Variants in RBM4 observed in about 807,000 individuals in gnomAD.
RBM4 encodes RNA binding motif protein 4, also known as RNA-binding protein 4.
Under a neutral mutation model 29.5 loss-of-function variants are expected in RBM4, and 7 were observed. The observed-to-expected ratio is 0.24, with a 90% CI of 0.14 to 0.45. The LOEUF (loss-of-function observed/expected upper bound fraction) is 0.45, where lower values mean the gene tolerates loss of function less well. Among genes scored for constraint, RBM4 ranks in the 20% least tolerant of loss-of-function variants. RBM4 has a pLI of 1.00. For missense variants in RBM4, 387 were observed against 502.3 expected (o/e 0.77, Z 2.19); for synonymous variants, 220 against 205.4 (o/e 1.07, Z -0.61).
Position 66,643,741 on chromosome 11 carries a change from C to T in RBM4, c.704C>T (p.Ala235Val). Reference protein sequence around the residue: ...CRAARSYEAVAAAAASVYNYA... With the variant: ...CRAARSYEAVVAAAASVYNYA... ...GCTGCCCGGTCCTATGAGGCAGTGG[C>T]AGCTGCAGCTGCCTCCGTGTATAAT... Residue 235 changes from alanine to valine, a missense_variant, in exon 3 of 4, where the codon GCA becomes GTA. Around this residue, in one of 2 missense-constraint regions of RBM4, gnomAD observed 281 missense variants for 288.7 expected, o/e 0.97. Coordinates refer to ENST00000310092, the MANE Select transcript of RBM4 (RefSeq NM_002896.4). This position sits in a 1 kb window ranked among gnomAD's most constrained non-coding sequence, Gnocchi z 6.1. 4 of 1,614,088 alleles carry T rather than the reference C, an allele frequency of 2.5e-6. No individual in the cohort carries two copies. The highest frequency in any genetic ancestry group is 3.4e-6 in the Non-Finnish European group (4 of 1,180,014).
At chr11:66,662,215 C>A (rs1427147530) in intron 2 of RBM4, among the ~76,000 whole-genome samples, 3 of 152,016 alleles carry the variant, frequency 2.0e-5, no homozygotes, top group Non-Finnish European at 4.4e-5. Context: ...AAATAAAAAA[C>A]TCAGTTTCTC....
Position 66,643,299 on chromosome 11 carries a change from T to G in RBM4, c.413-151T>G. ...CATTATACTGAATCTATATGTTGAG[T>G]CTTTTTTTTTTTTCCTTTTTATCTT... On this transcript the variant is annotated intron_variant, in intron 2 of 3. Coordinates refer to ENST00000310092, the MANE Select transcript of RBM4 (RefSeq NM_002896.4). The surrounding 1 kb of genome is among the most constrained non-coding windows in gnomAD (Gnocchi z 6.1). 2.0e-6 allele frequency: 2 copies of G among 1,015,972 alleles called. No individual in the cohort carries two copies. 62.9% of individuals were successfully genotyped at this position (1,015,972 alleles called of 1,614,324 possible).
intron 2 of RBM4, among the ~76,000 whole-genome samples, chr11:66,660,716 C>A (rs964681749): frequency 4.0e-5 from 6 of 150,374 alleles, no homozygotes; most frequent in African/African-American, 1.5e-4. Context: ...TGCAGTGGTG[C>A]GATCTCAGCT....
intron 2 of RBM4, among the ~76,000 whole-genome samples, chr11:66,661,659 A>G (rs911524764): frequency 1.3e-5 from 2 of 152,230 alleles, no homozygotes; most frequent in Non-Finnish European, 2.9e-5. Flanking sequence ...GAAATGGTCT[A>G]TAGTGAGAAA....
At chr11:66,654,249 T>C (rs918611732) in intron 2 of RBM4, among the ~76,000 whole-genome samples, 3 of 151,708 alleles carry the variant, frequency 2.0e-5, no homozygotes, top group African/African-American at 7.3e-5. Context: ...CCCAGCACTT[T>C]GGGAGGCTGA....
chr11:66,640,141 G>T lies in RBM4; in HGVS notation c.412+18G>T, dbSNP rs1305113707. On this transcript the variant is annotated intron_variant, in intron 2 of 3. Coordinates refer to ENST00000310092, the MANE Select transcript of RBM4 (RefSeq NM_002896.4). ...GTTTCAAGGTGAACCACCCTCTTTG[G>T]GTAGAGGGCTGAACACAAGGCTGTG... is the stretch of plus-strand genomic sequence containing the variant. The T allele has an allele frequency of 6.2e-7, 1 of 1,614,002 alleles. No individual in the cohort carries two copies. Among genetic ancestry groups the T allele is most frequent in the East Asian group, 2.2e-5 (1 of 44,886 alleles).
At chr11:66,654,969 C>A (rs1348828362) in intron 2 of RBM4, among the ~76,000 whole-genome samples, 1 of 151,902 alleles carries the variant, frequency 6.6e-6, no homozygotes, top group African/African-American at 2.4e-5. Flanking sequence ...GGATTACAGG[C>A]GCATACCACC....
chr11:66,641,788 C>T (rs1296585614), intron 2 of RBM4, among the ~76,000 whole-genome samples: 1 of 152,132 alleles, frequency 6.6e-6, no homozygotes, highest in African/African-American at 2.4e-5. Context: ...TATTGATGAG[C>T]AGTAGTTATT....
downstream of RBM4, among the ~76,000 whole-genome samples, chr11:66,650,179 C>T (rs1240105011): frequency 2.0e-5 from 3 of 152,128 alleles, no homozygotes; most frequent in Non-Finnish European, 4.4e-5. Context: ...ATGACATGTG[C>T]CTCGGCCTGA....
chr11:66,653,636 A>G (rs1938880205), intron 2 of RBM4, among the ~76,000 whole-genome samples: 1 of 152,158 alleles, frequency 6.6e-6, no homozygotes, highest in Admixed American at 6.5e-5. Flanking sequence ...TGTTGGGATT[A>G]CAGGTGTGAC....
intron 2 of RBM4, chr11:66,665,481 A>T: frequency 1.1e-6 from 1 of 905,974 alleles, no homozygotes; most frequent in East Asian, 2.6e-5. Flanking sequence ...TTGTTTACTG[A>T]AACATGAAGC....
At chr11:66,640,226 G>A (rs768766749) in intron 2 of RBM4, 103 bp downstream of exon 2, 2 of 1,469,644 alleles carry the variant, frequency 1.4e-6, no homozygotes, top group South Asian at 1.2e-5. Context: ...GCTGTTGGCT[G>A]GCTGGTGATG....
intron 2 of RBM4, among the ~76,000 whole-genome samples, chr11:66,653,395 T>C (rs978968956): frequency 6.1e-5 from 9 of 147,554 alleles, no homozygotes; most frequent in African/African-American, 2.0e-4. Context: ...GGAGTCTTGC[T>C]TTGTCACCCA....
chr11:66,644,645 TA>T, intron 3 of RBM4: 1 of 977,094 alleles, frequency 1.0e-6, no homozygotes, highest in Non-Finnish European at 1.2e-6. Flanking sequence ...TCCCAGTTAC[TA>T]AGAAGACTAC....
At chr11:66,648,782 A>G (rs1938762946), downstream of RBM4, among the ~76,000 whole-genome samples, 1 of 151,728 alleles carries the variant, frequency 6.6e-6, no homozygotes, top group Admixed American at 6.6e-5. Flanking sequence ...CATTGCACTC[A>G]AGCCTGGGGG....
At chr11:66,639,505 A>G in intron 1 of RBM4, 195 bp from the exon 2 acceptor site, 1 of 697,122 alleles carries the variant, frequency 1.4e-6, no homozygotes, top group Non-Finnish European at 2.3e-6. Flanking sequence ...ACGTCTTCTT[A>G]TTCTTACAGG....
At position 66,653,957 on chromosome 11, in the gene RBM4, C is replaced by T. The variant is rs555532573; in HGVS notation, c.413-11899C>T. Reference sequence around the variant, plus strand: ...CTGTAGTCTCAGGTACTTGGAAGGCCGAGGTGCAAGGATCGCTTGAGCAGC... The same window carrying T: ...CTGTAGTCTCAGGTACTTGGAAGGCTGAGGTGCAAGGATCGCTTGAGCAGC... On this transcript the variant is annotated intron_variant, in intron 2 of 2. Coordinates refer to the RBM4 transcript ENST00000396053. 2.7e-4 allele frequency among the ~76,000 whole-genome samples: 41 copies of T among 151,990 alleles called. 1 individual carries two copies. In the South Asian group the frequency reaches 8.3e-3, roughly 31 times the overall value.
intron 2 of RBM4, among the ~76,000 whole-genome samples, chr11:66,652,682 A>G (rs1471470423): frequency 6.6e-6 from 1 of 152,170 alleles, no homozygotes; most frequent in Non-Finnish European, 1.5e-5. Context: ...GTGTTACTTT[A>G]TGGCAGGTAA....
intron 2 of RBM4, chr11:66,665,416 G>A (rs1324870902): frequency 3.0e-6 from 2 of 660,956 alleles, no homozygotes; most frequent in Non-Finnish European, 5.3e-6. Context: ...CAGGAGGAAA[G>A]AAAAGTCAAC....
Sources: allele counts gnomAD v4.1 joint callset (sites outside exome capture counted in the v4.1 genomes callset), GRCh38; gene constraint gnomAD v4.1.1; regional missense constraint gnomAD v4.1.1; non-coding constraint Gnocchi (gnomAD v3.1); transcripts MANE v1.5; gene names NCBI Gene and HGNC (gene_info 2026-07-23, HGNC 2026-07-21).